The following FANCC variants were observed in gnomAD, a reference collection of about 807,000 sequenced individuals.
The protein encoded by FANCC is Fanconi anemia group C protein.
Under a neutral mutation model 71.3 loss-of-function variants are expected in FANCC, and 55 were observed. The ratio of observed to expected loss-of-function variants is 0.77; its 90% confidence interval spans 0.62 to 0.97. The LOEUF is 0.97. Among genes scored for constraint, FANCC ranks in the 50% least tolerant of loss-of-function variants. FANCC has a pLI of 0.00. For synonymous variants in FANCC, 275 were observed against 244.9 expected (o/e 1.12, Z -1.15); for missense variants, 678 against 670.9 (o/e 1.01, Z -0.12).
intron 6 of FANCC, among the ~76,000 whole-genome samples, chr9:95,158,520 T>C (rs758844287): frequency 1.3e-5 from 2 of 152,090 alleles, no homozygotes; most frequent in African/African-American, 4.8e-5. Context: ...TATGGGTAGC[T>C]TGGCAAAAAA....
At chr9:95,190,628 GCTGCAC>G (rs1347482566) in intron 4 of FANCC, among the ~76,000 whole-genome samples, 2 of 152,170 alleles carry the variant, frequency 1.3e-5, no homozygotes, top group East Asian at 3.9e-4. Flanking sequence ...CTCCCCCAGG[GCTGCAC>G]CTGTACATCT....
In FANCC at chr9:95,101,658, T is replaced by C; in HGVS notation, c.*49A>G. The stretch of plus-strand genomic sequence containing the variant: ...CAGGTCATCACCTGTCCTGTGGCCC[T>C]GGCGAGCCTGATCCCTCACGCCGGG... On this transcript the variant is annotated 3_prime_UTR_variant, in exon 15 of 15. Coordinates refer to ENST00000289081, the MANE Select transcript of FANCC (RefSeq NM_000136.3). 6.2e-7 allele frequency: 1 copy of C among 1,610,138 alleles called. No individual in the cohort carries two copies. Among genetic ancestry groups the C allele is most frequent in the Non-Finnish European group, 8.5e-7 (1 of 1,179,350 alleles).
At chr9:95,102,840 G>A (rs2071164957) in intron 14 of FANCC, among the ~76,000 whole-genome samples, 1 of 152,208 alleles carries the variant, frequency 6.6e-6, no homozygotes, top group Admixed American at 6.5e-5. Flanking sequence ...AGTAAACGAC[G>A]TGGTGTGGAC....
intron 4 of FANCC, among the ~76,000 whole-genome samples, chr9:95,216,590 T>G (rs981006598): frequency 3.3e-5 from 5 of 152,212 alleles, no homozygotes; most frequent in African/African-American, 1.2e-4. Context: ...TCAGAAGAAA[T>G]GGGACAGGTT....
chr9:95,114,404 G>T lies in FANCC; in HGVS notation c.1154+225C>A, dbSNP rs550616696. On this transcript the variant is annotated intron_variant, in intron 12 of 14. Coordinates refer to ENST00000289081, the MANE Select transcript of FANCC (RefSeq NM_000136.3). ...TAATGTAGAAAACATTTCGATACAG[G>T]TATTGGCACATGCATACATGCGCAT... 3.4e-4 allele frequency: 211 copies of T among 620,656 alleles called. No homozygotes were observed. In the African/African-American group the frequency reaches 3.6e-3, roughly 10 times the overall value. The allele number at this position is 620,656 out of a possible 1,614,324, so 38.4% of individuals were successfully genotyped here. A position where few individuals can be genotyped will look rare whatever the true frequency, so the allele number is the denominator to read the frequency against.
chr9:95,247,900 T>C (rs1473073648), intron 2 of FANCC, among the ~76,000 whole-genome samples: 1 of 152,166 alleles, frequency 6.6e-6, no homozygotes, highest in African/African-American at 2.4e-5. Flanking sequence ...TTTATCCTGG[T>C]TTTTTTATTC....
intron 1 of FANCC, among the ~76,000 whole-genome samples, chr9:95,263,088 A>G (rs928736228): frequency 1.3e-5 from 2 of 152,214 alleles, no homozygotes; most frequent in African/African-American, 4.8e-5. Context: ...TAAGATGGTT[A>G]CAATCTTATT....
intron 10 of FANCC, among the ~76,000 whole-genome samples, chr9:95,121,000 G>C (rs773398619): frequency 4.6e-5 from 7 of 152,154 alleles, no homozygotes; most frequent in Non-Finnish European, 8.8e-5. Flanking sequence ...AGGGCAGCTG[G>C]GGGGAGGCAG....
At chr9:95,145,691 A>G (rs976742386) in intron 7 of FANCC, among the ~76,000 whole-genome samples, 4 of 152,224 alleles carry the variant, frequency 2.6e-5, no homozygotes. Context: ...CACATGCAAG[A>G]GACCAGAGAA....
At position 95,150,157 on chromosome 9, in the gene FANCC, T is replaced by C. The variant is rs573317430; in HGVS notation, c.522-70A>G. The stretch of plus-strand genomic sequence containing the variant: ...CATAATTAAGGACATATAAAAACCT[T>C]CATGCTAAAAAGGTCAAAGACAGAT... On this transcript the variant is annotated intron_variant, in intron 6 of 14. Transcript: ENST00000289081. 54 of 1,561,854 alleles carry C rather than the reference T, an allele frequency of 3.5e-5. 1 individual carries two copies. In the African/African-American group the frequency reaches 6.8e-4, roughly 20 times the overall value.
chr9:95,297,068 T>G (rs953411935), intron 1 of FANCC, among the ~76,000 whole-genome samples: 2 of 152,074 alleles, frequency 1.3e-5, no homozygotes, highest in African/African-American at 4.8e-5. Flanking sequence ...TAACCCAGAT[T>G]TGGGGTGTTG....
rs183093112 is a variant in FANCC, at chr9:95,124,476, A to G, written c.996+610T>C. Among the ~76,000 whole-genome samples the G allele has an allele frequency of 9.9e-5, 15 of 152,246 alleles. No individual in the cohort carries two copies. In the East Asian group the frequency reaches 2.7e-3, roughly 27 times the overall value. On this transcript the variant is annotated intron_variant, in intron 10 of 14. Transcript: ENST00000289081. The stretch of plus-strand genomic sequence containing the variant: ...TCTGCTGCTGGGGACGTGGAGCACA[A>G]TCTTCTGCAGGGTGCGGGCCTGGCC...
At chr9:95,103,454 G>C (rs1036246257) in intron 14 of FANCC, among the ~76,000 whole-genome samples, 3 of 152,212 alleles carry the variant, frequency 2.0e-5, no homozygotes. Flanking sequence ...CTGTGGCCCA[G>C]CAGCAGGAGG....
rs35973455 is a variant in FANCC, at chr9:95,301,206, A to AC, written c.-79+16319_-79+16320insG. Among the ~76,000 whole-genome samples the AC allele has an allele frequency of 7.3e-3, 1,107 of 151,586 alleles. 8 individuals carry two copies. The highest frequency in any genetic ancestry group is 0.01 in the Non-Finnish European group (683 of 67,820). ...CACACACACACACACACACACACAC[A>AC]AAATTGTTAAAGTAACAGAGGAGTT... On this transcript the variant is annotated intron_variant, in intron 1 of 14. Coordinates refer to ENST00000289081, the MANE Select transcript of FANCC (RefSeq NM_000136.3).
chr9:95,231,179 T>G (rs1413184325), intron 4 of FANCC, among the ~76,000 whole-genome samples: 2 of 152,256 alleles, frequency 1.3e-5, no homozygotes, highest in African/African-American at 4.8e-5. Flanking sequence ...AATACTATTT[T>G]AGACCATGAG....
chr9:95,185,033 C>T (rs903014524), intron 4 of FANCC, among the ~76,000 whole-genome samples: 1 of 152,198 alleles, frequency 6.6e-6, no homozygotes. Flanking sequence ...ATCTGAAATC[C>T]TTAATATCTG....
intron 7 of FANCC, among the ~76,000 whole-genome samples, chr9:95,141,888 A>T (rs1564687940): frequency 6.6e-6 from 1 of 152,128 alleles, no homozygotes; most frequent in East Asian, 1.9e-4. Context: ...TAGGGGGAAA[A>T]ATATGAGTTT....
intron 3 of FANCC, among the ~76,000 whole-genome samples, chr9:95,241,769 C>A (rs1224595179): frequency 6.6e-6 from 1 of 152,170 alleles, no homozygotes; most frequent in South Asian, 2.1e-4. Context: ...CAGCGATTCT[C>A]CCACCTCAGC....
chr9:95,150,359 T>G (rs1433488556), intron 6 of FANCC, among the ~76,000 whole-genome samples: 1 of 152,226 alleles, frequency 6.6e-6, no homozygotes, highest in Non-Finnish European at 1.5e-5. Context: ...ACACAACTCC[T>G]GAATTCCCTT....
Sources: gnomAD v4.1 joint callset for allele counts (sites outside exome capture counted in the v4.1 genomes callset) on GRCh38, gnomAD v4.1.1 for gene constraint, MANE v1.5 for transcripts, NCBI Gene and HGNC (gene_info 2026-07-23, HGNC 2026-07-21) for gene names.